Variants in ZFAND6 observed in about 807,000 individuals in gnomAD.
ZFAND6 encodes the protein zinc finger AN1-type containing 6, also known as AN1-type zinc finger protein 6.
A neutral mutation model predicts 24.5 loss-of-function variants in ZFAND6; 12 were observed. That is an observed-to-expected ratio of 0.49 (90% CI 0.31 to 0.79). The LOEUF (loss-of-function observed/expected upper bound fraction) is 0.79. Among genes scored for constraint, ZFAND6 ranks in the 30% least tolerant of loss-of-function variants. The pLI is 0.04. For missense variants in ZFAND6, 207 were observed against 245.9 expected (o/e 0.84, Z 1.06); for synonymous variants, 92 against 81.5 (o/e 1.13, Z -0.69).
intron 1 of ZFAND6, among the ~76,000 whole-genome samples, chr15:80,075,794 G>A (rs1350108179): frequency 6.6e-6 from 1 of 152,044 alleles, no homozygotes; most frequent in East Asian, 1.9e-4. Context: ...GTGTTTGTAT[G>A]CCATCGGAGA....
chr15:80,131,036 T>C (rs1295435155), intron 5 of ZFAND6, 144 bp from the exon 6 acceptor site: 1 of 548,332 alleles, frequency 1.8e-6, no homozygotes, highest in African/African-American at 1.9e-5. Context: ...CATATTTTTG[T>C]AAACAACTTT....
At chr15:80,122,839 A>G (rs1188894077) in intron 5 of ZFAND6, 39 bp downstream of exon 5, 5 of 1,528,184 alleles carry the variant, frequency 3.3e-6, no homozygotes, top group Non-Finnish European at 3.6e-6. Context: ...TTATTTGAGT[A>G]TTATAGGCCA....
At chr15:80,118,317 G>GT (rs2039988113) in intron 2 of ZFAND6, among the ~76,000 whole-genome samples, 1 of 92,510 alleles carries the variant, frequency 1.1e-5, no homozygotes, top group Non-Finnish European at 2.4e-5. Flanking sequence ...TAGAGATGGG[G>GT]TTTCACCATG....
chr15:80,060,902 A>G (rs530939938), intron 1 of ZFAND6, among the ~76,000 whole-genome samples: 1 of 152,226 alleles, frequency 6.6e-6, no homozygotes, highest in Non-Finnish European at 1.5e-5. Flanking sequence ...GCCTGGCGAC[A>G]GAGGGAGACT....
chr15:80,116,163 G>A (rs2039869972), intron 2 of ZFAND6, among the ~76,000 whole-genome samples: 2 of 151,582 alleles, frequency 1.3e-5, no homozygotes, highest in South Asian at 2.1e-4. Context: ...GATATTGCAG[G>A]TCTGTTTATG....
chr15:80,113,083 T>G (rs2039692669), intron 2 of ZFAND6, among the ~76,000 whole-genome samples: 1 of 152,250 alleles, frequency 6.6e-6, no homozygotes, highest in Admixed American at 6.5e-5. Flanking sequence ...ATGTGCATTC[T>G]TATTTAACCA....
chr15:80,126,519 G>A (rs1054931899), intron 5 of ZFAND6, among the ~76,000 whole-genome samples: 1 of 152,150 alleles, frequency 6.6e-6, no homozygotes, highest in African/African-American at 2.4e-5. Flanking sequence ...TTCAACAATG[G>A]TGCCAAAATC....
intron 5 of ZFAND6, among the ~76,000 whole-genome samples, chr15:80,128,220 C>T (rs1474629939): frequency 2.0e-5 from 3 of 152,162 alleles, no homozygotes; most frequent in Non-Finnish European, 4.4e-5. Flanking sequence ...CTTAATGTGA[C>T]TTAAATGTTC....
At chr15:80,079,649 CTTTTTT>C (rs574842440) in intron 1 of ZFAND6, among the ~76,000 whole-genome samples, 1 of 120,486 alleles carries the variant, frequency 8.3e-6, no homozygotes, top group Non-Finnish European at 1.8e-5. Flanking sequence ...TTTTCCTTAG[CTTTTTT>C]TTTTTTTTTT....
intron 1 of ZFAND6, among the ~76,000 whole-genome samples, chr15:80,077,844 T>C (rs1257834157): frequency 1.3e-5 from 2 of 151,584 alleles, no homozygotes; most frequent in Admixed American, 6.6e-5. Flanking sequence ...GGACTACAGG[T>C]GTCTGCCACC....
chr15:80,128,092 ATGT>A (rs960213314), intron 5 of ZFAND6, among the ~76,000 whole-genome samples: 4 of 152,220 alleles, frequency 2.6e-5, no homozygotes, highest in South Asian at 2.1e-4. Context: ...AAAAGGCTAC[ATGT>A]TGTATGATTT....
At chr15:80,066,311 T>C (rs944508916) in intron 1 of ZFAND6, among the ~76,000 whole-genome samples, 3 of 148,552 alleles carry the variant, frequency 2.0e-5, no homozygotes, top group Admixed American at 1.3e-4. Flanking sequence ...TCCCAATCTA[T>C]CGAAACATAA....
At chr15:80,114,040 T>C (rs2039742787) in intron 2 of ZFAND6, among the ~76,000 whole-genome samples, 1 of 152,114 alleles carries the variant, frequency 6.6e-6, no homozygotes, top group South Asian at 2.1e-4. Context: ...AGGCGCAATA[T>C]GAGCTAGAAG....
intron 2 of ZFAND6, among the ~76,000 whole-genome samples, chr15:80,110,193 A>G (rs2039537069): frequency 2.6e-5 from 4 of 152,222 alleles, no homozygotes; most frequent in African/African-American, 9.6e-5. Flanking sequence ...TTGATCTCCC[A>G]GACCAACACT....
At chr15:80,113,601 T>C (rs192333999) in intron 2 of ZFAND6, among the ~76,000 whole-genome samples, 12 of 152,326 alleles carry the variant, frequency 7.9e-5, no homozygotes, top group Non-Finnish European at 1.6e-4. Context: ...TTATGAATAT[T>C]GCAGTGTGAA....
At chr15:80,106,087 T>C (rs1165555836) in intron 2 of ZFAND6, among the ~76,000 whole-genome samples, 2 of 152,202 alleles carry the variant, frequency 1.3e-5, no homozygotes, top group Non-Finnish European at 2.9e-5. Flanking sequence ...TAAATATCTT[T>C]TACAGTGTTT....
chr15:80,121,930 C>A, intron 4 of ZFAND6, 110 bp downstream of exon 4: 3 of 942,240 alleles, frequency 3.2e-6, no homozygotes, highest in Non-Finnish European at 4.6e-6. Context: ...GATTAACTGG[C>A]CTAAAATTTT....
At chr15:80,060,154 G>T (rs1382941692) in intron 1 of ZFAND6, 1 of 152,076 alleles carries the variant, frequency 6.6e-6, no homozygotes, top group Admixed American at 6.5e-5. Context: ...GACGCGCGCC[G>T]CCCCGAGCGG....
rs558888791 is a variant in ZFAND6 at position 80,108,393 on chromosome 15, CATAG to C, written c.-18+9822_-18+9825del. ...TAAGGGCAAAGAGGGAATAAAAAGC[CATAG>C]ATAGATCGATCAATCTGTGGTAATC... On this transcript the variant is annotated intron_variant, in intron 2 of 6. Transcript: ENST00000261749. Among the ~76,000 whole-genome samples, 439 of 152,146 alleles carry C rather than the reference CATAG, an allele frequency of 2.9e-3. 2 individuals are homozygous for C. Among genetic ancestry groups the C allele is most frequent in the Non-Finnish European group, 5.0e-3 (337 of 67,984 alleles).
Sources: gnomAD v4.1 joint callset for allele counts (sites outside exome capture counted in the v4.1 genomes callset) on GRCh38, gnomAD v4.1.1 for gene constraint, MANE v1.5 for transcripts, NCBI Gene and HGNC (gene_info 2026-07-23, HGNC 2026-07-21) for gene names.